The following MAGI3 variants were observed in gnomAD, a reference collection of about 807,000 sequenced individuals.
The protein encoded by MAGI3 is membrane-associated guanylate kinase, WW and PDZ domain-containing protein 3.
MAGI3 carries 43 observed loss-of-function variants against 121.8 expected under a neutral mutation model. The ratio of observed to expected loss-of-function variants is 0.35; its 90% CI spans 0.28 to 0.46. The LOEUF (loss-of-function observed/expected upper bound fraction) is 0.46. MAGI3 is among the 20% of genes least tolerant of loss of function. The pLI is 1.00. For missense variants in MAGI3, 1,547 were observed against 1,797.3 expected (o/e 0.86, Z 2.52); for synonymous variants, 553 against 639.3 (o/e 0.86, Z 2.04).
intron 9 of MAGI3, among the ~76,000 whole-genome samples, chr1:113,635,457 G>A (rs1033286839): frequency 6.6e-6 from 1 of 152,004 alleles, no homozygotes; most frequent in South Asian, 2.1e-4. Flanking sequence ...TTTTGTCAAA[G>A]GCCTTTTCTG....
chr1:113,619,933 C>A, intron 8 of MAGI3, 103 bp downstream of exon 8: 1 of 723,624 alleles, frequency 1.4e-6, no homozygotes, highest in Non-Finnish European at 2.4e-6. Context: ...GGCTTTGACA[C>A]TAAAGAGTGT....
chr1:113,583,164 A>G (rs912481830), intron 3 of MAGI3, among the ~76,000 whole-genome samples: 3 of 151,522 alleles, frequency 2.0e-5, no homozygotes, highest in Non-Finnish European at 4.4e-5. Flanking sequence ...TTATTATTAT[A>G]CTTTAAGTTC....
rs1329786317 is a variant in MAGI3 at position 113,642,063 on chromosome 1, G to A, written c.1513G>A (p.Val505Met). 2 of 1,614,150 alleles carry A rather than the reference G, an allele frequency of 1.2e-6. No individual in the cohort carries two copies. Among genetic ancestry groups the A allele is most frequent in the South Asian group, 2.2e-5 (2 of 91,082 alleles). The change falls in exon 10 of 21, where the codon GTG becomes ATG. Residue 505 changes from valine to methionine, a missense_variant. Coordinates refer to ENST00000307546, the MANE Select transcript of MAGI3 (RefSeq NM_001142782.2). ...PLPDDSEDPV[V>M]DIVAATPVIN... Reference sequence around the variant, plus strand: ...TCCTGATGACAGTGAAGATCCTGTTGTGGACATTGTTGCTGCTACCCCTGT... The same window carrying A: ...TCCTGATGACAGTGAAGATCCTGTTATGGACATTGTTGCTGCTACCCCTGT...
At chr1:113,529,120 A>G (rs1016188019) in intron 1 of MAGI3, among the ~76,000 whole-genome samples, 2 of 152,050 alleles carry the variant, frequency 1.3e-5, no homozygotes, top group African/African-American at 4.8e-5. Context: ...TTTATTTTGT[A>G]CATCTACCCT....
chr1:113,598,503 G>A (rs970913387), intron 6 of MAGI3, among the ~76,000 whole-genome samples: 2 of 151,906 alleles, frequency 1.3e-5, no homozygotes, highest in African/African-American at 2.4e-5. Context: ...TCACACAAAT[G>A]GAAACTCAAA....
chr1:113,595,359 A>G (rs888913903), intron 6 of MAGI3, among the ~76,000 whole-genome samples: 1 of 152,188 alleles, frequency 6.6e-6, no homozygotes, highest in Non-Finnish European at 1.5e-5. Flanking sequence ...AAATAAGTAT[A>G]GAATTTATTC....
intron 6 of MAGI3, among the ~76,000 whole-genome samples, chr1:113,604,405 A>G (rs1649607928): frequency 6.6e-6 from 1 of 151,784 alleles, no homozygotes; most frequent in South Asian, 2.1e-4. Context: ...CATCTCTACT[A>G]AAAATACAAA....
Position 113,646,546 on chromosome 1 carries a change from C to T in MAGI3, c.2059C>T (p.Pro687Ser). 1 of 1,613,422 alleles carries T rather than the reference C, an allele frequency of 6.2e-7. No homozygotes were observed. The highest frequency in any genetic ancestry group is 8.5e-7 in the Non-Finnish European group (1 of 1,179,636). ...LEAINEPIPQ[P>S]MPFPPSIIRS... Reference sequence around the variant, plus strand: ...GGCCATAAATGAGCCTATTCCTCAGCCTATGCCTTTTCCACCGAGCATTAT... The same window carrying T: ...GGCCATAAATGAGCCTATTCCTCAGTCTATGCCTTTTCCACCGAGCATTAT... The change falls in exon 12 of 21, where the codon CCT becomes TCT. Residue 687 changes from proline to serine, a missense_variant. Physicochemically the swap from Pro to Ser is moderately conservative, Grantham distance 74. Transcript: ENST00000307546.
intron 1 of MAGI3, among the ~76,000 whole-genome samples, chr1:113,492,853 C>G (rs1256227118): frequency 6.6e-6 from 1 of 152,092 alleles, no homozygotes; most frequent in Non-Finnish European, 1.5e-5. Context: ...TGAAAGATCT[C>G]TATGAGGAGA....
intron 5 of MAGI3, among the ~76,000 whole-genome samples, chr1:113,594,177 G>A (rs1164542421): frequency 2.0e-5 from 3 of 152,148 alleles, no homozygotes; most frequent in East Asian, 3.9e-4. Context: ...GTGGCTATGC[G>A]CCCACCTTTT....
At chr1:113,647,157 AAGAT>A (rs1652896124) in intron 12 of MAGI3, among the ~76,000 whole-genome samples, 1 of 152,190 alleles carries the variant, frequency 6.6e-6, no homozygotes, top group South Asian at 2.1e-4. Flanking sequence ...ATAAAAGGGA[AAGAT>A]AGAAGGAATA....
intron 1 of MAGI3, among the ~76,000 whole-genome samples, chr1:113,483,796 A>G (rs989142540): frequency 5.9e-5 from 9 of 152,172 alleles, no homozygotes; most frequent in African/African-American, 2.2e-4. Context: ...ACGTCGGAAG[A>G]GTTGCAAGAA....
At chr1:113,598,975 T>C (rs1021554106) in intron 6 of MAGI3, among the ~76,000 whole-genome samples, 1 of 152,202 alleles carries the variant, frequency 6.6e-6, no homozygotes, top group Non-Finnish European at 1.5e-5. Flanking sequence ...TGTGGGCATT[T>C]AGTGCTATAA....
At chr1:113,659,027 A>G (rs1430086238) in intron 15 of MAGI3, 53 bp from the exon 16 acceptor site, 2 of 1,377,066 alleles carry the variant, frequency 1.5e-6, no homozygotes, top group Non-Finnish European at 2.0e-6. Context: ...TATAAATCTA[A>G]CACTAGCAGA....
chr1:113,569,230 T>C (rs917381511), intron 2 of MAGI3, among the ~76,000 whole-genome samples: 2 of 152,180 alleles, frequency 1.3e-5, no homozygotes, highest in Admixed American at 1.3e-4. Context: ...GCAGTGTATA[T>C]GATACCTATA....
chr1:113,556,270 T>C (rs1659989634), intron 2 of MAGI3, among the ~76,000 whole-genome samples: 1 of 152,128 alleles, frequency 6.6e-6, no homozygotes, highest in South Asian at 2.1e-4. Flanking sequence ...AATACAAAGC[T>C]CATTCTTTGA....
rs563453772 is a variant in MAGI3 at position 113,605,703 on chromosome 1, G to A, written c.1019-8898G>A. Among the ~76,000 whole-genome samples, 6 of 152,020 alleles carry A rather than the reference G, an allele frequency of 3.9e-5. No homozygotes were observed. In the South Asian group the frequency reaches 6.2e-4, roughly 16 times the overall value. Reference sequence around the variant, plus strand: ...CAACCTCTGCCTCCTGGGTTCAAGCGATTCTTCTGCCTCAACCTCCCAAGT... The same window carrying A: ...CAACCTCTGCCTCCTGGGTTCAAGCAATTCTTCTGCCTCAACCTCCCAAGT... On this transcript the variant is annotated intron_variant, in intron 6 of 20. Transcript: ENST00000307546.
rs780905862 is a variant in MAGI3 at position 113,683,140 on chromosome 1, T to C, written c.3572T>C (p.Val1191Ala). Residue 1191 changes from valine (V) to alanine (A), a missense_variant, in exon 21 of 21, where the codon GTG (valine) becomes GCG (alanine). By Grantham distance (64) the Val-to-Ala change is moderately conservative (BLOSUM62 0). Coordinates refer to ENST00000307546, the MANE Select transcript of MAGI3 (RefSeq NM_001142782.2). ...CATCAGTCTCTTCTCCAGAAAAATGTGAGTAAGAGGGATCCACCCAGCAGT... is the reference window on the plus strand; with the variant it reads ...CATCAGTCTCTTCTCCAGAAAAATGCGAGTAAGAGGGATCCACCCAGCAGT... ...IKHQSLLQKN[V>A]SKRDPPSSHG... 8 of 1,612,544 alleles carry C rather than the reference T, an allele frequency of 5.0e-6. No homozygotes were observed. In the South Asian group the frequency reaches 8.8e-5, roughly 18 times the overall value.
intron 1 of MAGI3, among the ~76,000 whole-genome samples, chr1:113,497,155 G>C (rs1212281104): frequency 6.6e-6 from 1 of 152,172 alleles, no homozygotes; most frequent in Non-Finnish European, 1.5e-5. Flanking sequence ...CTACTTGGAG[G>C]CTGAGGTGCG....
Sources: allele counts gnomAD v4.1 joint callset (sites outside exome capture counted in the v4.1 genomes callset), GRCh38; gene constraint gnomAD v4.1.1; transcripts MANE v1.5; gene names NCBI Gene and HGNC (gene_info 2026-07-23, HGNC 2026-07-21).